Variants in UGT1A7 observed in about 807,000 individuals in gnomAD.
UGT1A7 encodes the protein UDP-glucuronosyltransferase 1A7.
A neutral mutation model predicts 45.6 loss-of-function variants in UGT1A7; 33 were observed. That is an observed-to-expected ratio of 0.72 (90% CI 0.55 to 0.97). UGT1A7 has a LOEUF of 0.97. Ranked by LOEUF, UGT1A7 falls within the 50% of genes least tolerant of loss-of-function variation. UGT1A7 has a pLI of 0.00. For synonymous variants in UGT1A7, 274 were observed against 250.6 expected, an observed-to-expected ratio of 1.09 and a Z score of -0.88; for missense variants, 684 against 666.2, an observed-to-expected ratio of 1.03 and a Z score of -0.29.
rs1429104103 is a variant in UGT1A7 at position 233,718,118 on chromosome 2, CCAT to C, written c.855+35327_855+35329del. On this transcript the variant is annotated intron_variant, in intron 1 of 4. Transcript: ENST00000373426. ...GCTTTAGACAGCAGCACCTCTTATT[CCAT>C]GGTGTAGATGGAGAATCCTCAATAA... The C allele has an allele frequency of 1.3e-5, 4 of 305,056 alleles. No homozygotes were observed. In the East Asian group the frequency reaches 3.1e-4, roughly 23 times the overall value. The allele number at this position is 305,056 out of a possible 1,614,324, so 18.9% of individuals were successfully genotyped here. A position where few individuals can be genotyped will look rare whatever the true frequency, so the allele number is the denominator to read the frequency against.
Position 233,719,094 on chromosome 2 carries a change from G to A in UGT1A7, c.855+36302G>A, listed in dbSNP as rs376370143. 116 of 1,614,204 alleles carry A rather than the reference G, an allele frequency of 7.2e-5. No individual in the cohort carries two copies. Among genetic ancestry groups the A allele is most frequent in the East Asian group, 4.2e-4 (19 of 44,884 alleles). ...ATGGACCCAGAAGGAATTTGATCGCGTTACGCTGGGCTACACTCAAGGGTT... is the reference window on the plus strand; with the variant it reads ...ATGGACCCAGAAGGAATTTGATCGCATTACGCTGGGCTACACTCAAGGGTT... On this transcript the variant is annotated intron_variant, in intron 1 of 4. Coordinates refer to ENST00000373426, the MANE Select transcript of UGT1A7 (RefSeq NM_019077.3).
chr2:233,761,127 C>A lies in UGT1A7; in HGVS notation c.856-5907C>A, dbSNP rs281865418. 1.2e-6 allele frequency: 2 copies of A among 1,614,174 alleles called. No individual in the cohort carries two copies. Among genetic ancestry groups the A allele is most frequent in the South Asian group, 1.1e-5 (1 of 91,074 alleles). On this transcript the variant is annotated intron_variant, in intron 1 of 4. Transcript: ENST00000373426. ...TGGTTTTTGTTGGTGGAATCAACTGCCTTCACCAAAATCCACTATCCCAGG... is the reference window on the plus strand; with the variant it reads ...TGGTTTTTGTTGGTGGAATCAACTGACTTCACCAAAATCCACTATCCCAGG...
At chr2:233,724,656 G>C (rs1447865795) in intron 1 of UGT1A7, among the ~76,000 whole-genome samples, 2 of 142,148 alleles carry the variant, frequency 1.4e-5, no homozygotes, top group African/African-American at 5.4e-5. Context: ...CTGGGAAGAG[G>C]CGCTCCTCAC....
At chr2:233,720,001 A>G (rs904856) in intron 1 of UGT1A7, among the ~76,000 whole-genome samples, 12,162 of 152,212 alleles carry the variant, frequency 0.08, 620 homozygotes, top group East Asian at 0.2. Context: ...CACTACATTC[A>G]GAACTGATCC....
Position 233,755,064 on chromosome 2 carries a change from C to T in UGT1A7, c.856-11970C>T, listed in dbSNP as rs570313254. ...GCAGCCGCCCTCCGCCCTCGCCTCGCCATAGCGGTCATAGATATCGCGTTT... is the reference window on the plus strand; with the variant it reads ...GCAGCCGCCCTCCGCCCTCGCCTCGTCATAGCGGTCATAGATATCGCGTTT... On this transcript the variant is annotated intron_variant, in intron 1 of 4. Coordinates refer to ENST00000373426, the MANE Select transcript of UGT1A7 (RefSeq NM_019077.3). 1.3e-5 allele frequency: 17 copies of T among 1,335,842 alleles called. No homozygotes were observed. In the East Asian group the frequency reaches 3.2e-4, roughly 25 times the overall value. The allele number at this position is 1,335,842 out of a possible 1,614,324, so 82.7% of individuals were successfully genotyped here.
intron 1 of UGT1A7, chr2:233,754,267 A>C (rs1695437171): frequency 5.7e-6 from 1 of 176,798 alleles, no homozygotes; most frequent in African/African-American, 2.4e-5. Flanking sequence ...GTAAGGCTCA[A>C]AGTGCTGAGA....
rs1312767733 is a variant in UGT1A7, at chr2:233,718,748, A to C, written c.855+35956A>C. 2.5e-6 allele frequency: 4 copies of C among 1,612,148 alleles called. No homozygotes were observed. In the African/African-American group the frequency reaches 5.3e-5, roughly 22 times the overall value. ...TGCTAGGTGGCTCAATGACAAGGTA[A>C]TTAAGGCGAAGGAAACAAATGTAGC... is the stretch of plus-strand genomic sequence containing the variant. On this transcript the variant is annotated intron_variant, in intron 1 of 4. Coordinates refer to ENST00000373426, the MANE Select transcript of UGT1A7 (RefSeq NM_019077.3).
intron 1 of UGT1A7, among the ~76,000 whole-genome samples, chr2:233,717,113 A>T (rs1374660753): frequency 6.6e-6 from 1 of 152,068 alleles, no homozygotes; most frequent in Admixed American, 6.6e-5. Flanking sequence ...ATAAAACACC[A>T]CTACATGGAA....
At chr2:233,709,379 A>T (rs1314181850) in intron 1 of UGT1A7, among the ~76,000 whole-genome samples, 1 of 152,092 alleles carries the variant, frequency 6.6e-6, no homozygotes, top group Non-Finnish European at 1.5e-5. Context: ...TCCTAATCTA[A>T]ATTTCTTTTA....
chr2:233,685,520 T>A (rs1295833237), intron 1 of UGT1A7, among the ~76,000 whole-genome samples: 1 of 152,206 alleles, frequency 6.6e-6, no homozygotes, highest in African/African-American at 2.4e-5. Flanking sequence ...GATCTATGCT[T>A]TCCCCATTGC....
At chr2:233,705,147 AAAG>A (rs767528051) in intron 1 of UGT1A7, among the ~76,000 whole-genome samples, 175 of 152,082 alleles carry the variant, frequency 1.2e-3, no homozygotes, top group Middle Eastern at 3.4e-3. Flanking sequence ...AAAAAAAAAA[AAAG>A]AGAGAGAGAG....
chr2:233,766,910 T>C (rs960990875), intron 1 of UGT1A7, 124 bp from the exon 2 acceptor site: 6 of 1,519,286 alleles, frequency 3.9e-6, no homozygotes, highest in East Asian at 2.3e-5. Context: ...TTTTTTACTC[T>C]ATCTCAAACA....
At chr2:233,713,833 G>A in intron 1 of UGT1A7, 11 of 1,614,060 alleles carry the variant, frequency 6.8e-6, no homozygotes, top group Non-Finnish European at 9.3e-6. Context: ...GGCATCAACT[G>A]TGCCAACGGG....
At chr2:233,738,533 C>T (rs762024449) in intron 1 of UGT1A7, among the ~76,000 whole-genome samples, 4 of 152,178 alleles carry the variant, frequency 2.6e-5, no homozygotes, top group African/African-American at 9.7e-5. Context: ...CAATGAAGTC[C>T]AGGCTGAGTC....
intron 1 of UGT1A7, chr2:233,743,008 TACA>T (rs1692158299): frequency 4.2e-6 from 1 of 239,364 alleles, no homozygotes; most frequent in Admixed American, 5.1e-5. Context: ...ACAGATATTT[TACA>T]ACGATTGAAA....
At chr2:233,696,172 A>G (rs755372568) in intron 1 of UGT1A7, among the ~76,000 whole-genome samples, 1 of 152,238 alleles carries the variant, frequency 6.6e-6, no homozygotes, top group Non-Finnish European at 1.5e-5. Flanking sequence ...AAAAAAATAT[A>G]TATTGAAGAG....
At chr2:233,730,198 G>T (rs544900257) in intron 1 of UGT1A7, among the ~76,000 whole-genome samples, 1 of 152,188 alleles carries the variant, frequency 6.6e-6, no homozygotes, top group Non-Finnish European at 1.5e-5. Context: ...CTGAGAGGAA[G>T]AGGAAGTAGA....
At chr2:233,743,056 A>G (rs955838724) in intron 1 of UGT1A7, 3 of 325,656 alleles carry the variant, frequency 9.2e-6, no homozygotes, top group African/African-American at 6.5e-5. Context: ...AGTCCCAACG[A>G]TAAGAACAGG....
rs1341350093 is a variant in UGT1A7, at chr2:233,769,045, A to G, written c.1295+606A>G. ...AGTTGCCATAATAGACATCTGATCC[A>G]TAAGTTTCCTGCACAGAAAGAAATA... On this transcript the variant is annotated intron_variant, in intron 4 of 4. Transcript: ENST00000373426. This position sits in a 1 kb window ranked among gnomAD's most constrained non-coding sequence, Gnocchi z 4.4. Among the ~76,000 whole-genome samples, 2 of 152,222 alleles carry G rather than the reference A, an allele frequency of 1.3e-5. No homozygotes were observed. Among genetic ancestry groups the G allele is most frequent in the African/African-American group, 2.4e-5 (1 of 41,450 alleles).
Sources: gnomAD v4.1 joint callset for allele counts (sites outside exome capture counted in the v4.1 genomes callset) on GRCh38, gnomAD v4.1.1 for gene constraint, Gnocchi (gnomAD v3.1) non-coding constraint, MANE v1.5 for transcripts, NCBI Gene and HGNC (gene_info 2026-07-23, HGNC 2026-07-21) for gene names.